Variants in PELI2 observed in about 807,000 individuals in gnomAD.
The protein encoded by PELI2 is E3 ubiquitin-protein ligase pellino homolog 2.
A neutral mutation model predicts 42.3 loss-of-function variants in PELI2; 23 were observed. The ratio of observed to expected loss-of-function variants is 0.54; its 90% confidence interval spans 0.39 to 0.77. The LOEUF (loss-of-function observed/expected upper bound fraction) is 0.77. PELI2 is among the 30% of genes least tolerant of loss of function. The probability of loss-of-function intolerance (pLI) is 0.00; values close to 1 mark genes in which losing one functional copy is unlikely to be tolerated. For synonymous variants in PELI2, 245 were observed against 212.2 expected, an observed-to-expected ratio of 1.15 and a Z score of -1.34; for missense variants, 463 against 553.2, an observed-to-expected ratio of 0.84 and a Z score of 1.64.
intron 2 of PELI2, among the ~76,000 whole-genome samples, chr14:56,195,375 C>A (rs557057733): frequency 6.6e-6 from 1 of 152,304 alleles, no homozygotes; most frequent in Admixed American, 6.5e-5. Context: ...AACACCGGAA[C>A]TGCCAGGAGA....
Position 56,301,294 on chromosome 14 carries a change from A to G in PELI2, c.*4128A>G, listed in dbSNP as rs893344443. ...AATCTTCAAAAACTATTAAATGGAT[A>G]TCAGCCTGTTTGTGAGCCATTGTCT... On this transcript the variant is annotated 3_prime_UTR_variant, in exon 6 of 6. Coordinates refer to ENST00000267460, the MANE Select transcript of PELI2 (RefSeq NM_021255.3). The G allele has an allele frequency of 3.9e-5, 6 of 152,680 alleles. No homozygotes were observed. The highest frequency in any genetic ancestry group is 7.3e-5 in the Non-Finnish European group (5 of 68,032). The allele number at this position is 152,680 out of a possible 1,614,324, so 9.5% of individuals were successfully genotyped here. A position where few individuals can be genotyped will look rare whatever the true frequency, so the allele number is the denominator to read the frequency against.
chr14:56,229,635 T>C (rs1293620173), intron 2 of PELI2, among the ~76,000 whole-genome samples: 2 of 152,152 alleles, frequency 1.3e-5, no homozygotes, highest in Non-Finnish European at 2.9e-5. Flanking sequence ...ACCAAAAAGA[T>C]GGGGAGAAAC....
chr14:56,218,018 A>G (rs1048488006), intron 2 of PELI2, among the ~76,000 whole-genome samples: 22 of 152,216 alleles, frequency 1.4e-4, no homozygotes, highest in African/African-American at 5.3e-4. Context: ...TGGGTATTCT[A>G]ACTATTCCTA....
At chr14:56,130,758 G>A (rs938524368) in intron 1 of PELI2, among the ~76,000 whole-genome samples, 1 of 151,968 alleles carries the variant, frequency 6.6e-6, no homozygotes, top group Non-Finnish European at 1.5e-5. Context: ...AATATGATTT[G>A]GATGTTGGAT....
In PELI2 at chr14:56,158,446, G is replaced by A. The variant is rs899486038; in HGVS notation, c.78-19889G>A. 3.9e-5 allele frequency among the ~76,000 whole-genome samples: 6 copies of A among 152,132 alleles called. No homozygotes were observed. In the East Asian group the frequency reaches 1.2e-3, roughly 29 times the overall value. ...AACCTTGACCTCCTGGGCTCCAGTG[G>A]TCCTCTCACCTCAGCCTCCCGAGTA... On this transcript the variant is annotated intron_variant, in intron 1 of 5. Coordinates refer to ENST00000267460, the MANE Select transcript of PELI2 (RefSeq NM_021255.3).
chr14:56,179,157 G>T (rs1041960722), intron 2 of PELI2, among the ~76,000 whole-genome samples: 3 of 152,064 alleles, frequency 2.0e-5, no homozygotes, highest in Non-Finnish European at 4.4e-5. Flanking sequence ...ATGTTACATA[G>T]TCGATTTATT....
rs1890104496 is a variant in PELI2 at position 56,299,272 on chromosome 14, A to G, written c.*2106A>G. The G allele has an allele frequency of 6.6e-6, 1 of 152,244 alleles. No individual in the cohort carries two copies. Among genetic ancestry groups the G allele is most frequent in the South Asian group, 2.1e-4 (1 of 4,834 alleles). 9.4% of individuals were successfully genotyped at this position (152,244 alleles called of 1,614,324 possible). On this transcript the variant is annotated 3_prime_UTR_variant, in exon 6 of 6. Transcript: ENST00000267460. Reference sequence around the variant, plus strand: ...TTTTCCATTTCAAGTCCTGTTTATAAGTCTAGTCATTCTGCAACGTGACAT... The same window carrying G: ...TTTTCCATTTCAAGTCCTGTTTATAGGTCTAGTCATTCTGCAACGTGACAT...
At chr14:56,150,602 A>G (rs1381419205) in intron 1 of PELI2, among the ~76,000 whole-genome samples, 1 of 152,152 alleles carries the variant, frequency 6.6e-6, no homozygotes, top group Non-Finnish European at 1.5e-5. Context: ...TTTTTGAGGT[A>G]TTTATAGTAC....
chr14:56,275,186 T>C (rs779633791), intron 2 of PELI2, among the ~76,000 whole-genome samples: 21 of 152,292 alleles, frequency 1.4e-4, no homozygotes, highest in African/African-American at 2.4e-4. Context: ...TGCAGTGTTA[T>C]GAGAACAGAG....
intron 2 of PELI2, among the ~76,000 whole-genome samples, chr14:56,201,802 T>G (rs1443624052): frequency 6.6e-6 from 1 of 152,250 alleles, no homozygotes; most frequent in Non-Finnish European, 1.5e-5. Context: ...TAGTTCATAT[T>G]CTTTATCTAC....
intron 1 of PELI2, among the ~76,000 whole-genome samples, chr14:56,161,298 GTT>G (rs762106360): frequency 5.0e-5 from 7 of 140,442 alleles, no homozygotes; most frequent in Non-Finnish European, 4.7e-5. Context: ...CTGTTCATCT[GTT>G]TTTTTTTTTT....
intron 1 of PELI2, among the ~76,000 whole-genome samples, chr14:56,156,616 G>T (rs966905764): frequency 6.6e-6 from 1 of 152,190 alleles, no homozygotes; most frequent in Non-Finnish European, 1.5e-5. Context: ...GTAACTTTCT[G>T]CAATGTTGGA....
intron 2 of PELI2, among the ~76,000 whole-genome samples, chr14:56,233,160 G>A (rs944903864): frequency 1.2e-4 from 18 of 152,028 alleles, no homozygotes; most frequent in African/African-American, 4.4e-4. Context: ...AATCAATATC[G>A]TGAAATGGCC....
chr14:56,258,298 C>T (rs183494948), intron 2 of PELI2, among the ~76,000 whole-genome samples: 4 of 151,198 alleles, frequency 2.6e-5, no homozygotes, highest in African/African-American at 4.8e-5. Context: ...CGCCCCCCCA[C>T]CCCCGCAAAA....
At chr14:56,150,888 C>T (rs1007101617) in intron 1 of PELI2, among the ~76,000 whole-genome samples, 6 of 152,162 alleles carry the variant, frequency 3.9e-5, no homozygotes, top group African/African-American at 1.2e-4. Context: ...CATGGAGTGG[C>T]TGGACCAGGT....
At chr14:56,286,326 A>C (rs1889644219) in intron 3 of PELI2, among the ~76,000 whole-genome samples, 1 of 152,216 alleles carries the variant, frequency 6.6e-6, no homozygotes, top group East Asian at 1.9e-4. Flanking sequence ...AAGTCAGAAA[A>C]TAAAGTGATT....
intron 1 of PELI2, among the ~76,000 whole-genome samples, chr14:56,150,811 C>G (rs754999205): frequency 3.3e-5 from 5 of 152,184 alleles, no homozygotes; most frequent in East Asian, 1.9e-4. Flanking sequence ...TGGCTGTGCT[C>G]CATCCACTTG....
chr14:56,132,414 T>G (rs1244735395), intron 1 of PELI2, among the ~76,000 whole-genome samples: 1 of 152,200 alleles, frequency 6.6e-6, no homozygotes, highest in Non-Finnish European at 1.5e-5. Flanking sequence ...ATGTTTTACA[T>G]TAAGGTCCGA....
At chr14:56,150,952 G>A (rs983781653) in intron 1 of PELI2, among the ~76,000 whole-genome samples, 2 of 152,162 alleles carry the variant, frequency 1.3e-5, no homozygotes, top group Non-Finnish European at 2.9e-5. Context: ...TAACTTTATG[G>A]ATAAGAAGAC....
Sources: allele counts gnomAD v4.1 joint callset (sites outside exome capture counted in the v4.1 genomes callset), GRCh38; gene constraint gnomAD v4.1.1; transcripts MANE v1.5; gene names NCBI Gene and HGNC (gene_info 2026-07-23, HGNC 2026-07-21).